Variants in TMEM117 observed in about 807,000 individuals in gnomAD.
The protein encoded by TMEM117 is transmembrane protein 117.
TMEM117 carries 27 observed loss-of-function variants against 52.4 expected under a neutral mutation model. The ratio of observed to expected loss-of-function variants is 0.51; its 90% confidence interval spans 0.38 to 0.71. TMEM117 has a LOEUF of 0.71. TMEM117 is among the 30% of genes least tolerant of loss of function. The pLI is 0.00. For missense variants in TMEM117, 556 were observed against 630.5 expected, an observed-to-expected ratio of 0.88 and a Z score of 1.26; for synonymous variants, 215 against 206.3, an observed-to-expected ratio of 1.04 and a Z score of -0.36.
intron 5 of TMEM117, among the ~76,000 whole-genome samples, chr12:44,231,056 T>G (rs1041299703): frequency 1.3e-5 from 2 of 151,926 alleles, no homozygotes; most frequent in African/African-American, 4.8e-5. Flanking sequence ...AAATAAAATG[T>G]CATCAACATT....
rs905524630 is a variant in TMEM117 at position 44,097,455 on chromosome 12, G to A, written c.411-46070G>A. ...GCACTATTCACAATAGCAAAGACTT[G>A]GAACCAACCCAAATGTCCAACAACG... On this transcript the variant is annotated intron_variant, in intron 3 of 7. Coordinates refer to ENST00000266534, the MANE Select transcript of TMEM117 (RefSeq NM_032256.3). 5.3e-4 allele frequency among the ~76,000 whole-genome samples: 81 copies of A among 152,040 alleles called. 2 individuals are homozygous for A. Among genetic ancestry groups the A allele is most frequent in the African/African-American group, 1.8e-3 (73 of 41,408 alleles).
At chr12:44,195,370 GAC>G (rs1471055010) in intron 4 of TMEM117, among the ~76,000 whole-genome samples, 1 of 152,114 alleles carries the variant, frequency 6.6e-6, no homozygotes, top group Non-Finnish European at 1.5e-5. Context: ...CAATATCGCT[GAC>G]TTCTACTGCT....
At chr12:44,362,532 A>G (rs1951734528) in intron 6 of TMEM117, among the ~76,000 whole-genome samples, 1 of 152,132 alleles carries the variant, frequency 6.6e-6, no homozygotes, top group Non-Finnish European at 1.5e-5. Context: ...GAATGTGCAA[A>G]TATTTAGCAA....
chr12:44,030,496 A>T (rs1052314093), intron 3 of TMEM117, among the ~76,000 whole-genome samples: 10 of 152,212 alleles, frequency 6.6e-5, no homozygotes, highest in Non-Finnish European at 8.8e-5. Context: ...CTAAGAGTTA[A>T]CAGTGTAATG....
intron 3 of TMEM117, among the ~76,000 whole-genome samples, chr12:44,133,978 C>T (rs564935220): frequency 1.8e-4 from 28 of 152,266 alleles, no homozygotes; most frequent in African/African-American, 6.3e-4. Flanking sequence ...TACCTTTGGT[C>T]TTCAGAAATG....
intron 2 of TMEM117, among the ~76,000 whole-genome samples, chr12:43,846,987 ATATG>A (rs1435880096): frequency 6.6e-6 from 1 of 152,228 alleles, no homozygotes; most frequent in Non-Finnish European, 1.5e-5. Context: ...CAATGCACAC[ATATG>A]TATAGATGCA....
intron 2 of TMEM117, among the ~76,000 whole-genome samples, chr12:43,885,395 C>A (rs919655624): frequency 1.4e-5 from 2 of 142,248 alleles, no homozygotes; most frequent in African/African-American, 5.1e-5. Context: ...AAGGGCCTCC[C>A]CTATTTTCTT....
the TMEM117 span, among the ~76,000 whole-genome samples, chr12:43,815,509 C>T: frequency 6.6e-6 from 1 of 152,126 alleles, no homozygotes; most frequent in Non-Finnish European, 1.5e-5. Flanking sequence ...TAAGGATACA[C>T]AGAGGTACAT....
At chr12:44,008,238 A>G (rs549648965) in intron 3 of TMEM117, among the ~76,000 whole-genome samples, 1 of 151,900 alleles carries the variant, frequency 6.6e-6, no homozygotes, top group South Asian at 2.1e-4. Flanking sequence ...GGGCCCAAAT[A>G]CTCTTACTTT....
intron 6 of TMEM117, among the ~76,000 whole-genome samples, chr12:44,336,138 A>T (rs140279058): frequency 6.6e-6 from 1 of 152,042 alleles, no homozygotes. Context: ...GGAAAGCTGT[A>T]TAGTATTGTG....
chr12:44,106,830 T>G (rs1289607359), intron 3 of TMEM117, among the ~76,000 whole-genome samples: 1 of 152,020 alleles, frequency 6.6e-6, no homozygotes, highest in African/African-American at 2.4e-5. Flanking sequence ...GTACATTGAA[T>G]ATTTCTTTCT....
chr12:44,090,339 T>C (rs920946227), intron 3 of TMEM117, among the ~76,000 whole-genome samples: 1 of 151,930 alleles, frequency 6.6e-6, no homozygotes. Context: ...ACTTTTGGAT[T>C]CTCCAGGGTT....
At chr12:43,890,832 A>C (rs1043591227) in intron 2 of TMEM117, among the ~76,000 whole-genome samples, 1 of 152,134 alleles carries the variant, frequency 6.6e-6, no homozygotes, top group South Asian at 2.1e-4. Flanking sequence ...GCCCAGCCCC[A>C]AGGGATATTT....
chr12:44,046,673 C>G (rs1367259329), intron 3 of TMEM117, among the ~76,000 whole-genome samples: 2 of 152,218 alleles, frequency 1.3e-5, no homozygotes, highest in Admixed American at 6.5e-5. Context: ...ATGTGACCAG[C>G]TACGGAAATG....
At chr12:43,905,130 C>G (rs1441580294) in intron 2 of TMEM117, among the ~76,000 whole-genome samples, 1 of 147,114 alleles carries the variant, frequency 6.8e-6, no homozygotes, top group African/African-American at 2.6e-5. Context: ...GCAACAAGAG[C>G]AAAACTCGGT....
chr12:44,083,495 G>A (rs1248236626), intron 3 of TMEM117: 1 of 149,032 alleles, frequency 6.7e-6, no homozygotes, highest in African/African-American at 2.5e-5. Flanking sequence ...TCCACTTCCT[G>A]GGCTCAAGGT....
chr12:44,012,013 G>T (rs1565791652), intron 3 of TMEM117, among the ~76,000 whole-genome samples: 1 of 152,148 alleles, frequency 6.6e-6, no homozygotes, highest in Non-Finnish European at 1.5e-5. Context: ...TTATTTATTT[G>T]TAGAATTTTT....
At chr12:44,279,889 G>A (rs537444909) in intron 5 of TMEM117, among the ~76,000 whole-genome samples, 6 of 152,088 alleles carry the variant, frequency 3.9e-5, no homozygotes, top group African/African-American at 1.4e-4. Flanking sequence ...TTTATCCTAT[G>A]AAACCTCTAT....
intron 4 of TMEM117, among the ~76,000 whole-genome samples, chr12:44,150,395 G>A (rs1948704322): frequency 6.6e-6 from 1 of 151,994 alleles, no homozygotes; most frequent in Admixed American, 6.6e-5. Context: ...TGATCTCCTG[G>A]GACTGTGCTC....
Sources: gnomAD v4.1 joint callset for allele counts (sites outside exome capture counted in the v4.1 genomes callset) on GRCh38, gnomAD v4.1.1 for gene constraint, MANE v1.5 for transcripts, NCBI Gene and HGNC (gene_info 2026-07-23, HGNC 2026-07-21) for gene names.